The following INSR variants were observed in gnomAD, a reference collection of about 807,000 sequenced individuals.
INSR encodes insulin receptor.
A neutral mutation model predicts 142.6 loss-of-function variants in INSR; 67 were observed. That is an observed-to-expected ratio of 0.47 (90% CI 0.39 to 0.58). The LOEUF is 0.58. Ranked by LOEUF, INSR falls within the 20% of genes least tolerant of loss-of-function variation. The pLI, the probability that INSR is intolerant of heterozygous loss-of-function variation, is 0.00. For synonymous variants in INSR, 756 were observed against 743.1 expected (o/e 1.02, Z -0.28); for missense variants, 1,248 against 1,833.2 (o/e 0.68, Z 5.83).
chr19:7,285,660 A>G (rs1034449671), intron 1 of INSR, among the ~76,000 whole-genome samples: 1 of 152,174 alleles, frequency 6.6e-6, no homozygotes, highest in African/African-American at 2.4e-5. Context: ...TAAATTTTAA[A>G]TTTTAAAAAG....
intron 2 of INSR, among the ~76,000 whole-genome samples, chr19:7,262,786 C>T (rs1229738813): frequency 1.3e-5 from 2 of 152,150 alleles, no homozygotes; most frequent in African/African-American, 2.4e-5. Flanking sequence ...ACAGGAGGTC[C>T]CTACAGTCAT....
In INSR at chr19:7,193,443, C is replaced by T. The variant is rs978429798; in HGVS notation, c.653-8806G>A. Reference sequence around the variant, plus strand: ...AGGAAAATCACCTGAACCTGGGGAGCGGAAGTTGCAGTGAGCTGAGATCAC... The same window carrying T: ...AGGAAAATCACCTGAACCTGGGGAGTGGAAGTTGCAGTGAGCTGAGATCAC... On this transcript the variant is annotated intron_variant, in intron 2 of 21. Transcript: ENST00000302850. Among the ~76,000 whole-genome samples the T allele has an allele frequency of 8.0e-5, 12 of 150,864 alleles. No individual in the cohort carries two copies. The East Asian group carries it at 1.0e-3, about 13-fold the overall frequency.
rs929187503 is a variant in INSR at position 7,252,135 on chromosome 19, C to T, written c.652+15210G>A. On this transcript the variant is annotated intron_variant, in intron 2 of 21. Transcript: ENST00000302850. ...CTGAAAATACAAAAATTTGCCAGTGCGTAGTGGCGCACGCCTGTAATCCCA... is the reference window on the plus strand; with the variant it reads ...CTGAAAATACAAAAATTTGCCAGTGTGTAGTGGCGCACGCCTGTAATCCCA... 5.3e-5 allele frequency among the ~76,000 whole-genome samples: 8 copies of T among 151,562 alleles called. 1 individual carries two copies. Among genetic ancestry groups the T allele is most frequent in the African/African-American group, 1.5e-4 (6 of 41,162 alleles).
rs1053677119 is a variant in INSR, at chr19:7,112,584, GCA to G, written c.*4470_*4471del. On this transcript the variant is annotated 3_prime_UTR_variant, in exon 22 of 22. Transcript: ENST00000302850. ...GCTGTTCCTGAATATGTGCATGGGT[GCA>G]CACTTATTTTGAGGCTCTTCCTTCC... The G allele has an allele frequency of 6.6e-5, 10 of 152,168 alleles. No individual in the cohort carries two copies. The highest frequency in any genetic ancestry group is 1.2e-4 in the Non-Finnish European group (8 of 68,040). The allele number at this position is 152,168 out of a possible 1,614,324, so 9.4% of individuals were successfully genotyped here. A position where few individuals can be genotyped will look rare whatever the true frequency, so the allele number is the denominator to read the frequency against.
At chr19:7,151,162 C>CTTTCTCTTTCTTTCTTTCTTTCTT (rs1359040007) in intron 10 of INSR, among the ~76,000 whole-genome samples, 5 of 45,892 alleles carry the variant, frequency 1.1e-4, no homozygotes, top group African/African-American at 2.5e-4. Flanking sequence ...TTCTTTCTTT[C>CTTTCTCTTTCTTTCTTTCTTTCTT]TCTTTCTTTC....
intron 11 of INSR, among the ~76,000 whole-genome samples, chr19:7,143,350 A>G: frequency 6.6e-6 from 1 of 152,180 alleles, no homozygotes; most frequent in East Asian, 1.9e-4. Flanking sequence ...AATGGTAGAC[A>G]CACACCGATA....
chr19:7,133,877 A>C (rs1365044639), intron 13 of INSR, among the ~76,000 whole-genome samples: 1 of 151,862 alleles, frequency 6.6e-6, no homozygotes, highest in Non-Finnish European at 1.5e-5. Flanking sequence ...TAAATACATA[A>C]ATAAATAAAA....
At chr19:7,127,183 C>T (rs1355113706) in intron 15 of INSR, among the ~76,000 whole-genome samples, 2 of 152,156 alleles carry the variant, frequency 1.3e-5, no homozygotes, top group Non-Finnish European at 2.9e-5. Context: ...CAGATATGCA[C>T]GACCATGCAG....
intron 2 of INSR, among the ~76,000 whole-genome samples, chr19:7,198,602 C>A (rs1168960710): frequency 6.6e-6 from 1 of 152,050 alleles, no homozygotes; most frequent in South Asian, 2.1e-4. Context: ...AAAGGTGCAG[C>A]GGCTCACTAG....
chr19:7,216,279 G>A lies in INSR; in HGVS notation c.653-31642C>T, dbSNP rs8105391. On this transcript the variant is annotated intron_variant, in intron 2 of 21. Coordinates refer to ENST00000302850, the MANE Select transcript of INSR (RefSeq NM_000208.4). The surrounding 1 kb of genome is among the most constrained non-coding windows in gnomAD (Gnocchi z 4.2). ...GCAGAGGTTGCAGTGAGCTGAGATC[G>A]TGCCATTGCACTCCAGCCTGGGCAA... 0.034 allele frequency among the ~76,000 whole-genome samples: 5,151 copies of A among 152,262 alleles called. 291 individuals are homozygous for A. Among genetic ancestry groups the A allele is most frequent in the African/African-American group, 0.12 (4,827 of 41,544 alleles).
chr19:7,286,484 C>T (rs997269341), intron 1 of INSR, among the ~76,000 whole-genome samples: 3 of 151,876 alleles, frequency 2.0e-5, no homozygotes, highest in African/African-American at 7.3e-5. Context: ...ACCTTCTGGG[C>T]TCAAGCGATC....
At position 7,150,238 on chromosome 19, in the gene INSR, G is replaced by C. The variant is rs1437279540; in HGVS notation, c.2267+259C>G. On this transcript the variant is annotated intron_variant, in intron 11 of 21. Transcript: ENST00000302850. The surrounding 1 kb of genome is among the most constrained non-coding windows in gnomAD (Gnocchi z 4.2). ...GTGGCTGCAAACAGAAGGCAGGGAG[G>C]GGGTACCCAGGAAGCACTCCCATGA... Among the ~76,000 whole-genome samples the C allele has an allele frequency of 6.6e-6, 1 of 152,166 alleles. No individual in the cohort carries two copies. The highest frequency in any genetic ancestry group is 1.5e-5 in the Non-Finnish European group (1 of 68,022).
chr19:7,182,680 T>C (rs16994316), intron 3 of INSR, among the ~76,000 whole-genome samples: 2,061 of 152,248 alleles, frequency 0.014, 28 homozygotes, highest in Middle Eastern at 0.054. Flanking sequence ...GGGTTTCTGT[T>C]TTAGCATCTC....
intron 13 of INSR, among the ~76,000 whole-genome samples, chr19:7,134,223 C>G (rs1442982274): frequency 7.2e-5 from 11 of 152,136 alleles, no homozygotes; most frequent in Admixed American, 7.2e-4. Context: ...AAAAAGAGAA[C>G]TGTCTGGCTC....
At chr19:7,170,494 C>T (rs7252268) in intron 6 of INSR, 43 bp downstream of exon 6, 1 of 1,479,552 alleles carries the variant, frequency 6.8e-7, no homozygotes, top group Non-Finnish European at 9.4e-7. Context: ...TCTTCCACTA[C>T]ACCGGTCCCT....
intron 2 of INSR, among the ~76,000 whole-genome samples, chr19:7,187,330 C>G (rs998618073): frequency 1.3e-5 from 2 of 152,060 alleles, no homozygotes; most frequent in African/African-American, 4.8e-5. Flanking sequence ...GATCCACTCA[C>G]CCTGGCCCCC....
At chr19:7,264,869 G>A (rs1004616025) in intron 2 of INSR, among the ~76,000 whole-genome samples, 4 of 152,182 alleles carry the variant, frequency 2.6e-5, no homozygotes, top group African/African-American at 7.2e-5. Context: ...TCCCACTCCC[G>A]ATTTCCAACC....
intron 2 of INSR, among the ~76,000 whole-genome samples, chr19:7,197,719 A>AGTGTGTGTGT (rs138289202): frequency 3.6e-5 from 2 of 54,990 alleles, no homozygotes; most frequent in African/African-American, 1.7e-4. Context: ...CCAGAGTGGG[A>AGTGTGTGTGT]GTGTGTGTGT....
At chr19:7,197,035 T>C (rs939152135) in intron 2 of INSR, among the ~76,000 whole-genome samples, 4 of 152,202 alleles carry the variant, frequency 2.6e-5, no homozygotes, top group Non-Finnish European at 5.9e-5. Context: ...CTAGTTGGAA[T>C]CTAGTAAATG....
Sources: gnomAD v4.1 joint callset for allele counts (sites outside exome capture counted in the v4.1 genomes callset) on GRCh38, gnomAD v4.1.1 for gene constraint, Gnocchi (gnomAD v3.1) non-coding constraint, MANE v1.5 for transcripts, NCBI Gene and HGNC (gene_info 2026-07-23, HGNC 2026-07-21) for gene names.